The following TBCCD1 variants were observed in gnomAD, a reference collection of about 807,000 sequenced individuals.
The protein encoded by TBCCD1 is TBCC domain-containing protein 1.
In TBCCD1, 26 loss-of-function variants were observed where a neutral mutation model predicts 53.4. The observed-to-expected ratio is 0.49, with a 90% CI of 0.36 to 0.68. TBCCD1 has a LOEUF of 0.68. Ranked by LOEUF, TBCCD1 falls within the 30% of genes least tolerant of loss-of-function variation. The pLI, the probability that TBCCD1 is intolerant of heterozygous loss-of-function variation, is 0.00. For synonymous variants in TBCCD1, 245 were observed against 241.7 expected (o/e 1.01, Z -0.13); for missense variants, 558 against 669.5 (o/e 0.83, Z 1.84).
chr3:186,549,828 G>C (rs1005463126), intron 7 of TBCCD1, among the ~76,000 whole-genome samples: 3 of 152,148 alleles, frequency 2.0e-5, no homozygotes, highest in Admixed American at 2.0e-4. Flanking sequence ...ATAAAAAATA[G>C]TATTTTACAT....
chr3:186,557,073 G>A (rs1044009185), intron 3 of TBCCD1, among the ~76,000 whole-genome samples: 1 of 152,106 alleles, frequency 6.6e-6, no homozygotes, highest in Non-Finnish European at 1.5e-5. Flanking sequence ...GGCCCAGGTC[G>A]TCACTTTAAA....
chr3:186,561,565 G>C (rs1165247929), intron 2 of TBCCD1, among the ~76,000 whole-genome samples: 1 of 152,146 alleles, frequency 6.6e-6, no homozygotes, highest in African/African-American at 2.4e-5. Flanking sequence ...CGAGGCAGGC[G>C]GATCATGAGG....
chr3:186,569,152 G>T (rs924768223), upstream of TBCCD1, among the ~76,000 whole-genome samples: 2 of 152,028 alleles, frequency 1.3e-5, no homozygotes, highest in Non-Finnish European at 2.9e-5. Flanking sequence ...AAAAAGAAAG[G>T]AAGCAAGTTT....
chr3:186,557,663 A>C (rs1209255040), intron 3 of TBCCD1, among the ~76,000 whole-genome samples: 2 of 152,204 alleles, frequency 1.3e-5, no homozygotes, highest in Admixed American at 1.3e-4. Context: ...GCTGCTTGTA[A>C]GGGCCAGGGG....
Position 186,554,443 on chromosome 3 carries a change from T to G in TBCCD1, c.1355A>C (p.Asn452Thr). ...AAGCTGGAAGACTCTTGTGTCGCTGTTCTCTCTGCACACAACCATTGGATT... is the reference window on the plus strand; with the variant it reads ...AAGCTGGAAGACTCTTGTGTCGCTGGTCTCTCTGCACACAACCATTGGATT... ...WDNPMVVCRE[N>T]SDTRVFQLLP... Residue 452 changes from asparagine (N) to threonine (T), a missense_variant, in exon 6 of 8, where the codon AAC becomes ACC. Asn to Thr is a moderately conservative substitution (Grantham distance 65). Transcript: ENST00000338733. The G allele has an allele frequency of 6.2e-7, 1 of 1,614,236 alleles. No individual in the cohort carries two copies. Among genetic ancestry groups the G allele is most frequent in the East Asian group, 2.2e-5 (1 of 44,892 alleles).
rs189577655 is a variant in TBCCD1 at position 186,550,654 on chromosome 3, T to C, written c.*21+475A>G. Among the ~76,000 whole-genome samples, 110 of 152,294 alleles carry C rather than the reference T, an allele frequency of 7.2e-4. 1 individual carries two copies. Among genetic ancestry groups the C allele is most frequent in the Non-Finnish European group, 1.0e-3 (69 of 68,026 alleles). On this transcript the variant is annotated intron_variant, in intron 7 of 7. Coordinates refer to ENST00000338733, the MANE Select transcript of TBCCD1 (RefSeq NM_018138.5). ...TCCAGTAAATTTGTTTGTATGCATA[T>C]TCTCTTCTATTTAATCCATGATCTT...
At chr3:186,555,641 C>T (rs1421731896) in intron 4 of TBCCD1, among the ~76,000 whole-genome samples, 2 of 152,130 alleles carry the variant, frequency 1.3e-5, no homozygotes, top group African/African-American at 4.8e-5. Flanking sequence ...TCACTGTAAC[C>T]TCCACCTCCC....
rs754017108 is a variant in TBCCD1, at chr3:186,564,179, G to A, written c.151C>T (p.Arg51Cys). ...QIRATEGAYP[R>C]LYWSTWRHIA... is the part of the protein sequence containing the mutation. ...TGCCTCCATGTAGACCAGTAGAGGC[G>A]CGGGTAAGCTCCTTCTGTGGCCCGG... is the stretch of plus-strand genomic sequence containing the variant. Residue 51 changes from arginine (R) to cysteine (C), a missense_variant, in exon 2 of 8, where the codon CGC becomes TGC. Arg to Cys is a radical substitution (Grantham distance 180). Transcript: ENST00000338733. The A allele has an allele frequency of 6.8e-6, 11 of 1,614,190 alleles. No homozygotes were observed. The highest frequency in any genetic ancestry group is 3.3e-4 in the Middle Eastern group (2 of 6,062).
upstream of TBCCD1, among the ~76,000 whole-genome samples, chr3:186,568,981 T>C (rs1331591824): frequency 6.6e-6 from 1 of 151,782 alleles, no homozygotes; most frequent in South Asian, 2.1e-4. Context: ...TTTTGATTAA[T>C]TGGTCAGGGA....
chr3:186,565,431 T>C, intron 1 of TBCCD1, among the ~76,000 whole-genome samples: 1 of 152,176 alleles, frequency 6.6e-6, no homozygotes, highest in East Asian at 1.9e-4. Context: ...TTTCTACACA[T>C]AAATTAGATG....
In TBCCD1 at chr3:186,554,970, T is replaced by C; in HGVS notation, c.974A>G (p.Asp325Gly). The change falls in exon 5 of 8, where the codon GAC (aspartate) becomes GGC (glycine). Residue 325 changes from aspartate to glycine, a missense_variant. Asp to Gly is a moderately conservative substitution (Grantham distance 94). Transcript: ENST00000338733. ...VYKQTLAKSSDTLAGAHVKIH... is the reference protein window; with the variant it reads ...VYKQTLAKSSGTLAGAHVKIH... ...CTTTACATGTGCCCCCGCCAGAGTG[T>C]CTGAGCTCTTAGCCAGTGTCTGCTT... The C allele has an allele frequency of 6.2e-7, 1 of 1,613,976 alleles. No individual in the cohort carries two copies. Among genetic ancestry groups the C allele is most frequent in the Non-Finnish European group, 8.5e-7 (1 of 1,180,030 alleles).
At chr3:186,551,058 A>G in intron 7 of TBCCD1, 71 bp downstream of exon 7, 1 of 1,536,558 alleles carries the variant, frequency 6.5e-7, no homozygotes, top group Non-Finnish European at 8.8e-7. Context: ...AGTATATAAT[A>G]TTCTGTGCCT....
chr3:186,557,136 C>T (rs550587390), intron 3 of TBCCD1, among the ~76,000 whole-genome samples: 3 of 152,160 alleles, frequency 2.0e-5, no homozygotes, highest in African/African-American at 4.8e-5. Flanking sequence ...GTGTCCACCC[C>T]GGTCCAATCA....
chr3:186,546,941 T>C lies in TBCCD1; in HGVS notation c.*36A>G, dbSNP rs1160485706. The stretch of plus-strand genomic sequence containing the variant: ...ATGAGCACCATCCTCCATTTATCCT[T>C]GTATTTCCAGGGCCCTGAAGATCAA... On this transcript the variant is annotated 3_prime_UTR_variant, in exon 8 of 8. Transcript: ENST00000338733. 6.6e-6 allele frequency: 1 copy of C among 152,028 alleles called. No individual in the cohort carries two copies. Among genetic ancestry groups the C allele is most frequent in the East Asian group, 1.9e-4 (1 of 5,192 alleles). The allele number at this position is 152,028 out of a possible 1,614,324, so 9.4% of individuals were successfully genotyped here.
intron 1 of TBCCD1, among the ~76,000 whole-genome samples, chr3:186,567,032 C>T (rs1482880934): frequency 6.6e-6 from 1 of 152,206 alleles, no homozygotes; most frequent in Non-Finnish European, 1.5e-5. Context: ...GGGAGATCGG[C>T]GTGGGTCCAA....
At chr3:186,566,415 A>C (rs1333239298) in intron 1 of TBCCD1, among the ~76,000 whole-genome samples, 1 of 152,224 alleles carries the variant, frequency 6.6e-6, no homozygotes, top group Non-Finnish European at 1.5e-5. Context: ...ACTATGTACC[A>C]GGTATCATGC....
chr3:186,548,788 C>A (rs1356920253), intron 7 of TBCCD1, among the ~76,000 whole-genome samples: 1 of 151,836 alleles, frequency 6.6e-6, no homozygotes, highest in African/African-American at 2.4e-5. Flanking sequence ...ATCTAATGTA[C>A]AACATGGTGA....
chr3:186,566,326 C>T (rs999064714), intron 1 of TBCCD1, among the ~76,000 whole-genome samples: 1 of 152,196 alleles, frequency 6.6e-6, no homozygotes, highest in Admixed American at 6.5e-5. Flanking sequence ...CAGGCGTGAC[C>T]CACCGCACCC....
intron 6 of TBCCD1, among the ~76,000 whole-genome samples, chr3:186,553,184 T>C (rs146875483): frequency 0.01 from 1,526 of 152,310 alleles, 14 homozygotes; most frequent in East Asian, 0.017. Context: ...AGAGTCAGCA[T>C]TTATTAAGTG....
Sources: gnomAD v4.1 joint callset for allele counts (sites outside exome capture counted in the v4.1 genomes callset) on GRCh38, gnomAD v4.1.1 for gene constraint, MANE v1.5 for transcripts, NCBI Gene and HGNC (gene_info 2026-07-23, HGNC 2026-07-21) for gene names.